Variants in SMIM36 observed in about 807,000 individuals in gnomAD.
SMIM36 encodes the protein small integral membrane protein 36.
At chr17:55,524,837 A>C in the SMIM36 span, among the ~76,000 whole-genome samples, 1 of 152,226 alleles carries the variant, frequency 6.6e-6, no homozygotes, top group African/African-American at 2.4e-5. Context: ...GTGAAGGATC[A>C]CCTAAGAGGT....
At chr17:55,477,745 C>A (rs897205859) in intron 3 of SMIM36, among the ~76,000 whole-genome samples, 15 of 151,920 alleles carry the variant, frequency 9.9e-5, no homozygotes, top group African/African-American at 2.9e-4. Flanking sequence ...TTAAACTTGG[C>A]ATGATATTAT....
At chr17:55,501,194 CTTATATATTATAATATATAATATATA>C (rs1567870945) in intron 1 of SMIM36, among the ~76,000 whole-genome samples, 10 of 2,504 alleles carry the variant, frequency 4.0e-3, no homozygotes, top group South Asian at 0.028. Context: ...TATAATATAT[CTTATATATTATAATATATAATATATA>C]TTATATATTA....
At chr17:55,523,529 C>CAAAA in the SMIM36 span, among the ~76,000 whole-genome samples, 4 of 62,144 alleles carry the variant, frequency 6.4e-5, no homozygotes, top group African/African-American at 1.8e-4. Flanking sequence ...GACTCCGTCT[C>CAAAA]AAAAAAAAAA....
the SMIM36 span, among the ~76,000 whole-genome samples, chr17:55,526,123 C>A: frequency 6.6e-6 from 1 of 151,806 alleles, no homozygotes; most frequent in Non-Finnish European, 1.5e-5. Flanking sequence ...TCTCTAAGAG[C>A]AATACTACTA....
chr17:55,526,514 A>T, the SMIM36 span, among the ~76,000 whole-genome samples: 4 of 152,090 alleles, frequency 2.6e-5, no homozygotes. Flanking sequence ...GCCTAGAGGT[A>T]CTATGCAGTT....
At chr17:55,510,661 T>C (rs1910163359) in intron 1 of SMIM36, among the ~76,000 whole-genome samples, 1 of 152,096 alleles carries the variant, frequency 6.6e-6, no homozygotes, top group Non-Finnish European at 1.5e-5. Context: ...AAGAATAGAC[T>C]AGACTGGAGT....
rs113700589 is a variant in SMIM36 at position 55,451,265 on chromosome 17, C to G, written c.*532-967G>C. Among the ~76,000 whole-genome samples the G allele has an allele frequency of 8.3e-3, 1,258 of 152,286 alleles. 17 individuals carry two copies. The highest frequency in any genetic ancestry group is 0.029 in the African/African-American group (1,192 of 41,532). On this transcript the variant is annotated intron_variant, in intron 4 of 4. Transcript: ENST00000636752. ...ACAGGACCCTATATGATCCAATACT[C>G]GCACCTTCTCCAACCTCATTTTCTA...
At chr17:55,456,080 T>G (rs1474770156) in intron 4 of SMIM36, among the ~76,000 whole-genome samples, 1 of 129,054 alleles carries the variant, frequency 7.7e-6, no homozygotes, top group East Asian at 2.2e-4. Flanking sequence ...ACCGCACCAT[T>G]GCACTCCAGC....
intron 1 of SMIM36, among the ~76,000 whole-genome samples, chr17:55,497,524 C>T (rs1909830764): frequency 6.6e-6 from 1 of 152,084 alleles, no homozygotes; most frequent in African/African-American, 2.4e-5. Flanking sequence ...CTCGGCCTCC[C>T]AAAATGCTGG....
upstream of SMIM36, among the ~76,000 whole-genome samples, chr17:55,512,875 G>A (rs1289365274): frequency 6.6e-6 from 1 of 152,186 alleles, no homozygotes; most frequent in Non-Finnish European, 1.5e-5. Context: ...GTTTCTTAGT[G>A]TTAAGCTTCA....
chr17:55,462,846 A>T (rs1346612687), intron 4 of SMIM36, among the ~76,000 whole-genome samples: 3 of 152,112 alleles, frequency 2.0e-5, no homozygotes, highest in Non-Finnish European at 4.4e-5. Flanking sequence ...TGAGCCTCAG[A>T]TGTGGAGAGG....
chr17:55,526,885 G>T, the SMIM36 span: 1 of 152,146 alleles, frequency 6.6e-6, no homozygotes, highest in African/African-American at 2.4e-5. Flanking sequence ...TATCTGTGGG[G>T]AATGTCCAAA....
the SMIM36 span, among the ~76,000 whole-genome samples, chr17:55,521,448 G>C: frequency 6.6e-6 from 1 of 152,186 alleles, no homozygotes; most frequent in Non-Finnish European, 1.5e-5. Flanking sequence ...TCACACCCAT[G>C]ATGACATTCT....
intron 1 of SMIM36, among the ~76,000 whole-genome samples, chr17:55,488,157 C>T (rs1421505746): frequency 6.6e-6 from 1 of 152,252 alleles, no homozygotes; most frequent in Non-Finnish European, 1.5e-5. Context: ...ATCTCAAAGT[C>T]AGTCTCCTGA....
the SMIM36 span, among the ~76,000 whole-genome samples, chr17:55,528,463 A>G: frequency 6.6e-6 from 1 of 151,986 alleles, no homozygotes; most frequent in African/African-American, 2.4e-5. Context: ...GTGATCCTCC[A>G]GCCCCAGCCT....
At chr17:55,470,984 C>T (rs1298217562) in intron 3 of SMIM36, among the ~76,000 whole-genome samples, 1 of 152,130 alleles carries the variant, frequency 6.6e-6, no homozygotes, top group Non-Finnish European at 1.5e-5. Flanking sequence ...GGATCTTCAC[C>T]TTATTAATCA....
intron 1 of SMIM36, among the ~76,000 whole-genome samples, chr17:55,491,387 C>T (rs1478562773): frequency 4.6e-5 from 7 of 151,814 alleles, no homozygotes; most frequent in South Asian, 2.1e-4. Flanking sequence ...TCTTTTCCTT[C>T]GCTCCATTTT....
intron 3 of SMIM36, among the ~76,000 whole-genome samples, chr17:55,467,869 C>G (rs1283425216): frequency 6.6e-6 from 1 of 152,170 alleles, no homozygotes; most frequent in Admixed American, 6.5e-5. Context: ...CCTGCCTTAA[C>G]TGATGACATT....
intron 1 of SMIM36, among the ~76,000 whole-genome samples, chr17:55,495,052 T>C (rs1026198666): frequency 5.9e-5 from 9 of 152,226 alleles, no homozygotes; most frequent in African/African-American, 2.2e-4. Flanking sequence ...AACTCATGTC[T>C]GTTGTGTGCA....
Sources: allele counts gnomAD v4.1 joint callset (sites outside exome capture counted in the v4.1 genomes callset), GRCh38; gene constraint gnomAD v4.1.1; transcripts MANE v1.5; gene names NCBI Gene and HGNC (gene_info 2026-07-23, HGNC 2026-07-21).